The following FPGS variants were observed in gnomAD, a reference collection of about 807,000 sequenced individuals.
FPGS encodes folylpolyglutamate synthase, mitochondrial.
FPGS carries 53 observed loss-of-function variants against 66.5 expected under a neutral mutation model. That is an observed-to-expected ratio of 0.80 (90% confidence interval 0.64 to 1.00). The LOEUF (loss-of-function observed/expected upper bound fraction) is 1.00. Ranked by LOEUF, FPGS falls within the 50% of genes least tolerant of loss-of-function variation. The probability of loss-of-function intolerance (pLI) is 0.00; values close to 1 mark genes in which losing one functional copy is unlikely to be tolerated. For missense variants in FPGS, 702 were observed against 807.7 expected, an observed-to-expected ratio of 0.87 and a Z score of 1.59; for synonymous variants, 348 against 350.9, an observed-to-expected ratio of 0.99 and a Z score of 0.09.
chr9:127,806,872 G>C, intron 4 of FPGS, 101 bp from the exon 5 acceptor site: 1 of 847,018 alleles, frequency 1.2e-6, no homozygotes. Flanking sequence ...AGGGACACAG[G>C]AGAGATGAGG....
At chr9:127,809,988 A>G (rs756722303) in intron 12 of FPGS, 43 bp from the exon 13 acceptor site, 21 of 1,571,498 alleles carry the variant, frequency 1.3e-5, no homozygotes, top group Non-Finnish European at 1.6e-5. Context: ...CCGCAGGGAG[A>G]ACGGGCGGCG....
rs758923980 is a variant in FPGS, at chr9:127,808,213, C to T, written c.745-21C>T. 10 of 1,601,844 alleles carry T rather than the reference C, an allele frequency of 6.2e-6. No homozygotes were observed. In the East Asian group the frequency reaches 1.3e-4, roughly 21 times the overall value. ...TGGAGGATGCTAGGTAGCCCTTTCTCTCTCCTTCTTCCCTCCACAGCAAGG... is the reference window on the plus strand; with the variant it reads ...TGGAGGATGCTAGGTAGCCCTTTCTTTCTCCTTCTTCCCTCCACAGCAAGG... On this transcript the variant is annotated intron_variant, in intron 8 of 14. Coordinates refer to ENST00000373247, the MANE Select transcript of FPGS (RefSeq NM_004957.6).
chr9:127,808,578 G>C lies in FPGS; in HGVS notation c.843G>C (p.Pro281=), dbSNP rs752458887. ...CCTAGTGTCCTCTATACCTGTGTCC[G>C]ATGCTGGAGGCCCTCGAGGAAGGGG... ...QQISCPLYLC[P]MLEALEEGGP... Residue 281 remains proline (P), a synonymous_variant, in exon 10 of 15, where the codon CCG becomes CCC. Transcript: ENST00000373247. The C allele has an allele frequency of 3.1e-6, 5 of 1,612,612 alleles. No individual in the cohort carries two copies. Among genetic ancestry groups the C allele is most frequent in the Non-Finnish European group, 4.2e-6 (5 of 1,179,852 alleles).
chr9:127,808,819 A>T lies in FPGS; in HGVS notation c.990A>T (p.Ala330=), dbSNP rs1829938890. Residue 330 remains alanine (A), a synonymous_variant, in exon 11 of 15, where the codon GCA becomes GCT. Coordinates refer to ENST00000373247, the MANE Select transcript of FPGS (RefSeq NM_004957.6). ...CCGCAGGTGCTGGGGAGCCAAAGGC[A>T]TCCAGGCCAGGGCTCCTGTGGCAGC... is the stretch of plus-strand genomic sequence containing the variant. ...QDRHGAGEPK[A]SRPGLLWQLP... 1 of 1,562,254 alleles carries T rather than the reference A, an allele frequency of 6.4e-7. No individual in the cohort carries two copies.
intron 11 of FPGS, among the ~76,000 whole-genome samples, chr9:127,809,391 G>A (rs1194905109): frequency 3.3e-5 from 5 of 152,202 alleles, no homozygotes; most frequent in African/African-American, 7.2e-5. Context: ...CAAGTGACAA[G>A]GTCCTGGAGA....
rs772024551 is a variant in FPGS at position 127,808,260 on chromosome 9, C to G, written c.771C>G (p.Leu257=). Reference sequence around the variant, plus strand: ...AAGGTGTCCCTGCCTTCACTGTGCTCCAACCTGAAGGTCCCCTGGCAGTGC... The same window carrying G: ...AAGGTGTCCCTGCCTTCACTGTGCTGCAACCTGAAGGTCCCCTGGCAGTGC... ...FKQGVPAFTV[L]QPEGPLAVLR... The change falls in exon 9 of 15, where the codon CTC becomes CTG. Residue 257 remains leucine, a synonymous_variant. Coordinates refer to ENST00000373247, the MANE Select transcript of FPGS (RefSeq NM_004957.6). 1.3e-5 allele frequency: 21 copies of G among 1,613,940 alleles called. No individual in the cohort carries two copies. Among genetic ancestry groups the G allele is most frequent in the Non-Finnish European group, 1.8e-5 (21 of 1,179,966 alleles).
intron 1 of FPGS, chr9:127,803,267 G>A: frequency 8.0e-7 from 1 of 1,247,312 alleles, no homozygotes; most frequent in South Asian, 3.2e-5. Context: ...GGAATTCGGA[G>A]ACTATAGCGT....
chr9:127,805,120 C>A (rs1340825902), intron 4 of FPGS, among the ~76,000 whole-genome samples: 1 of 152,002 alleles, frequency 6.6e-6, no homozygotes, highest in Non-Finnish European at 1.5e-5. Flanking sequence ...AACTCCTGAC[C>A]TCAAGTGATC....
chr9:127,813,133 C>T, intron 14 of FPGS, 62 bp from the exon 15 acceptor site: 1 of 1,503,716 alleles, frequency 6.7e-7, no homozygotes. Context: ...CCGCCCCTTT[C>T]TCCACCCCTG....
chr9:127,812,426 G>T (rs1023530785), intron 14 of FPGS, among the ~76,000 whole-genome samples: 19 of 151,800 alleles, frequency 1.3e-4, no homozygotes, highest in Admixed American at 9.2e-4. Flanking sequence ...TGCCTCCCAG[G>T]TTCAAATGAT....
intron 14 of FPGS, among the ~76,000 whole-genome samples, chr9:127,812,825 C>G (rs930472563): frequency 1.3e-5 from 2 of 152,210 alleles, no homozygotes; most frequent in Non-Finnish European, 2.9e-5. Context: ...CTGCACCCAG[C>G]CTGGAATCTG....
At chr9:127,808,764 G>A (rs1471304166) in intron 10 of FPGS, 36 bp from the exon 11 acceptor site, 1 of 1,556,096 alleles carries the variant, frequency 6.4e-7, no homozygotes, top group Admixed American at 1.9e-5. Context: ...CTGCCTAGGA[G>A]GGTCCCGGAC....
chr9:127,805,048 C>T (rs1343448940), intron 4 of FPGS, among the ~76,000 whole-genome samples: 2 of 151,996 alleles, frequency 1.3e-5, no homozygotes, highest in Non-Finnish European at 2.9e-5. Flanking sequence ...GCCACCACAC[C>T]AGGCTAATTT....
intron 10 of FPGS, 37 bp downstream of exon 10, chr9:127,808,742 C>G (rs1829934198): frequency 1.9e-6 from 3 of 1,562,770 alleles, no homozygotes; most frequent in Non-Finnish European, 2.6e-6. Context: ...AGGTGGGTGG[C>G]ACCTGTGGAG....
rs1829984756 is a variant in FPGS at position 127,809,807 on chromosome 9, C to G, written c.1184C>G (p.Ala395Gly). The G allele has an allele frequency of 6.8e-7, 1 of 1,464,082 alleles. No individual in the cohort carries two copies. The highest frequency in any genetic ancestry group is 9.0e-7 in the Non-Finnish European group (1 of 1,115,794). The allele number at this position is 1,464,082 out of a possible 1,614,324, so 90.7% of individuals were successfully genotyped here. Residue 395 changes from alanine (A) to glycine (G), a missense_variant, in exon 12 of 15, where the codon GCG (alanine) becomes GGG (glycine). Ala to Gly is a moderately conservative substitution (Grantham distance 60). This residue lies in a region of FPGS where 351 missense variants were observed against 363.7 expected (regional missense o/e 0.97). Transcript: ENST00000373247. ...GCCTGCGTGCGCTGGTTCCGCCAGG[C>G]GCTGCAGGGCCGCGAGAGGCCGAGC... ...AQACVRWFRQ[A>G]LQGRERPSGG...
intron 9 of FPGS, 89 bp downstream of exon 9, chr9:127,808,400 C>T: frequency 6.7e-7 from 1 of 1,486,390 alleles, no homozygotes. Context: ...CCTCAGTTTG[C>T]CCATCTGTGC....
In FPGS at chr9:127,809,843, CAGGGCTGGGGGT is replaced by C; in HGVS notation, c.1211+10_1211+21del. On this transcript the variant is annotated intron_variant, in intron 12 of 14. Transcript: ENST00000373247. ...CGCGAGAGGCCGAGCGGGTGAGGGGCAGGGCTGGGGGTGGGGCCGGGGCTGGCCCACGAGGAG... is the reference window on the plus strand; with the variant it reads ...CGCGAGAGGCCGAGCGGGTGAGGGGCGGGGCCGGGGCTGGCCCACGAGGAG... The C allele has an allele frequency of 1.1e-6, 1 of 884,146 alleles. No homozygotes were observed. The highest frequency in any genetic ancestry group is 1.6e-6 in the Non-Finnish European group (1 of 634,802). The allele number at this position is 884,146 out of a possible 1,614,324, so 54.8% of individuals were successfully genotyped here.
chr9:127,806,058 A>T (rs947553600), intron 4 of FPGS, among the ~76,000 whole-genome samples: 37 of 152,196 alleles, frequency 2.4e-4, no homozygotes, highest in Admixed American at 2.4e-3. Flanking sequence ...AACATAAGGC[A>T]CCAACCTGTC....
chr9:127,813,492 AC>A lies in FPGS; in HGVS notation c.1653del (p.His551GlnfsTer16). ...GGCCTCCTCACCCACCCTGTGGCTCACAGTGGGGCCAGCATACTCCGTGAGG... is the reference window on the plus strand; with the variant it reads ...GGCCTCCTCACCCACCCTGTGGCTCAAGTGGGGCCAGCATACTCCGTGAGG... ...PKGLLTHPVA[H>X]SGASILREAA... On this transcript the variant is annotated frameshift_variant, in exon 15 of 15. Coordinates refer to ENST00000373247, the MANE Select transcript of FPGS (RefSeq NM_004957.6). LOFTEE classifies it high-confidence loss of function. The A allele has an allele frequency of 6.2e-7, 1 of 1,613,210 alleles. No homozygotes were observed. Among genetic ancestry groups the A allele is most frequent in the South Asian group, 1.1e-5 (1 of 90,960 alleles).
Sources: allele counts gnomAD v4.1 joint callset (sites outside exome capture counted in the v4.1 genomes callset), GRCh38; gene constraint gnomAD v4.1.1; regional missense constraint gnomAD v4.1.1; transcripts MANE v1.5; gene names NCBI Gene and HGNC (gene_info 2026-07-23, HGNC 2026-07-21).